Variants in HYAL4 observed in about 807,000 individuals in gnomAD.
HYAL4 encodes hyaluronidase 4.
In HYAL4, 37 loss-of-function variants were observed where a neutral mutation model predicts 35.2. The ratio of observed to expected loss-of-function variants is 1.05; its 90% CI spans 0.81 to 1.38. HYAL4 has a LOEUF of 1.38. Ranked by LOEUF, HYAL4 falls within the 40% of genes most tolerant of loss-of-function variation. The probability of loss-of-function intolerance (pLI) is 0.00; values close to 1 mark genes in which losing one functional copy is unlikely to be tolerated. For missense variants in HYAL4, 572 were observed against 572.4 expected (o/e 1.00, Z 0.01); for synonymous variants, 198 against 203.2 (o/e 0.97, Z 0.22).
intron 1 of HYAL4, among the ~76,000 whole-genome samples, chr7:123,830,387 T>C (rs1207037486): frequency 6.6e-6 from 1 of 152,196 alleles, no homozygotes. Context: ...CAAATCACTT[T>C]AGCAAATAAA....
chr7:123,862,136 G>A (rs1383272339), intron 2 of HYAL4, among the ~76,000 whole-genome samples: 1 of 152,118 alleles, frequency 6.6e-6, no homozygotes, highest in African/African-American at 2.4e-5. Flanking sequence ...TTAGTTCTGC[G>A]AAATTGAGCA....
At chr7:123,818,706 G>C in the HYAL4 span, among the ~76,000 whole-genome samples, 60 of 152,084 alleles carry the variant, frequency 3.9e-4, no homozygotes, top group Admixed American at 3.5e-3. Context: ...AGAATCCAAG[G>C]CAGTATCACC....
chr7:123,843,395 T>C (rs879743576), upstream of HYAL4, among the ~76,000 whole-genome samples: 1 of 152,074 alleles, frequency 6.6e-6, no homozygotes, highest in Non-Finnish European at 1.5e-5. Flanking sequence ...CTTCCCTTTG[T>C]TGGTAACTCG....
chr7:123,772,469 A>T, the HYAL4 span, among the ~76,000 whole-genome samples: 5 of 152,222 alleles, frequency 3.3e-5, no homozygotes, highest in Admixed American at 3.3e-4. Flanking sequence ...GGGACTTGTC[A>T]TCTGAGAGGC....
At chr7:123,829,060 A>G (rs1432475924) in exon 1 of HYAL4, 1 of 152,658 alleles carries the variant, frequency 6.6e-6, no homozygotes, top group Non-Finnish European at 1.5e-5. Context: ...CTATGTAACA[A>G]TCATGGAAGA....
the HYAL4 span, among the ~76,000 whole-genome samples, chr7:123,821,641 C>T: frequency 1.3e-5 from 2 of 152,244 alleles, no homozygotes; most frequent in Non-Finnish European, 2.9e-5. Flanking sequence ...AACAGCTTTT[C>T]AGTTTGATGC....
At chr7:123,806,102 C>G in the HYAL4 span, among the ~76,000 whole-genome samples, 1 of 152,092 alleles carries the variant, frequency 6.6e-6, no homozygotes, top group African/African-American at 2.4e-5. Flanking sequence ...AGGAGTTATA[C>G]CATCTGATTT....
chr7:123,837,169 G>T (rs1805978225), intron 1 of HYAL4, among the ~76,000 whole-genome samples: 1 of 152,142 alleles, frequency 6.6e-6, no homozygotes, highest in Admixed American at 6.5e-5. Flanking sequence ...GTGAAGATTA[G>T]TTTTGCTGGA....
At chr7:123,776,519 T>G in the HYAL4 span, among the ~76,000 whole-genome samples, 10,053 of 152,190 alleles carry the variant, frequency 0.066, 419 homozygotes, top group East Asian at 0.11. Context: ...GCTCAAGTGA[T>G]CCTTCTGCCT....
In HYAL4 at chr7:123,869,107, C is replaced by A. The variant is rs1488929032; in HGVS notation, c.834C>A (p.Ser278=). The change falls in exon 3 of 5, where the codon TCC becomes TCA. Residue 278 remains serine (S), a synonymous_variant. Transcript: ENST00000223026. Reference sequence around the variant, plus strand: ...ACAGTGAAAACATTTTGCGCTTCTCCAAATTTCGGGTGCATGAATCCATGA... The same window carrying A: ...ACAGTGAAAACATTTTGCGCTTCTCAAAATTTCGGGTGCATGAATCCATGA... The part of the protein sequence containing the change: ...LGDSENILRF[S]KFRVHESMRI... The A allele has an allele frequency of 2.5e-6, 4 of 1,614,148 alleles. No individual in the cohort carries two copies. Among genetic ancestry groups the A allele is most frequent in the Non-Finnish European group, 3.4e-6 (4 of 1,180,024 alleles).
At chr7:123,819,346 C>G in the HYAL4 span, 1 of 152,538 alleles carries the variant, frequency 6.6e-6, no homozygotes, top group Non-Finnish European at 1.5e-5. Context: ...TCTAGGAGGA[C>G]TTAGTGCATG....
chr7:123,868,536 CTATATTT>C lies in HYAL4; in HGVS notation c.267_273del (p.Ile89MetfsTer26). ...GCCAAGGCCAGGGGGCAAAATGTCACTATATTTTATGTCAACAGATTGGGATACTATC... is the reference window on the plus strand; with the variant it reads ...GCCAAGGCCAGGGGGCAAAATGTCACTATGTCAACAGATTGGGATACTATC... On this transcript the variant is annotated frameshift_variant, in exon 3 of 5. Transcript: ENST00000223026. LOFTEE classifies it high-confidence loss of function. 1 of 1,610,638 alleles carries C rather than the reference CTATATTT, an allele frequency of 6.2e-7. No homozygotes were observed. The highest frequency in any genetic ancestry group is 1.1e-5 in the South Asian group (1 of 89,728).
In HYAL4 at chr7:123,859,740, T is replaced by A. The variant is rs568355426; in HGVS notation, c.-51-8483T>A. ...CTGTAGTCAGAATCGATTTGCATCT[T>A]CTCTTATATATCCAAAGAACTTTGA... On this transcript the variant is annotated intron_variant, in intron 2 of 4. Coordinates refer to ENST00000223026, the MANE Select transcript of HYAL4 (RefSeq NM_012269.3). Among the ~76,000 whole-genome samples the A allele has an allele frequency of 3.9e-5, 6 of 152,352 alleles. No homozygotes were observed. In the East Asian group the frequency reaches 1.2e-3, roughly 29 times the overall value.
At chr7:123,811,835 TTTG>T in the HYAL4 span, among the ~76,000 whole-genome samples, 3 of 151,960 alleles carry the variant, frequency 2.0e-5, no homozygotes, top group Admixed American at 6.6e-5. Context: ...TTATACCTTT[TTTG>T]TTGTTGTTGT....
At chr7:123,862,958 C>G (rs1806607274) in intron 2 of HYAL4, among the ~76,000 whole-genome samples, 3 of 152,170 alleles carry the variant, frequency 2.0e-5, no homozygotes, top group Admixed American at 2.0e-4. Context: ...AGTCACTGAC[C>G]TCTTCAAAGG....
upstream of HYAL4, among the ~76,000 whole-genome samples, chr7:123,826,291 GA>G (rs1015397364): frequency 7.9e-5 from 12 of 152,100 alleles, no homozygotes; most frequent in African/African-American, 2.6e-4. Flanking sequence ...TCTAAGAGTG[GA>G]AAAATGACTG....
chr7:123,805,537 G>A, the HYAL4 span, among the ~76,000 whole-genome samples: 1 of 152,012 alleles, frequency 6.6e-6, no homozygotes, highest in Admixed American at 6.6e-5. Context: ...ACTGAAGCTA[G>A]GTAGACATTG....
the HYAL4 span, among the ~76,000 whole-genome samples, chr7:123,773,783 T>C: frequency 6.6e-6 from 1 of 152,344 alleles, no homozygotes; most frequent in East Asian, 1.9e-4. Flanking sequence ...GAATTTTTAA[T>C]TTTTCAGATT....
intron 4 of HYAL4, 63 bp from the exon 5 acceptor site, chr7:123,876,691 G>C (rs372298724): frequency 6.6e-7 from 1 of 1,518,428 alleles, no homozygotes; most frequent in African/African-American, 1.4e-5. Context: ...CACTAAAATC[G>C]ATTTCTTTGT....
Sources: allele counts gnomAD v4.1 joint callset (sites outside exome capture counted in the v4.1 genomes callset), GRCh38; gene constraint gnomAD v4.1.1; transcripts MANE v1.5; gene names NCBI Gene and HGNC (gene_info 2026-07-23, HGNC 2026-07-21).